Variants in SCFD2 observed in about 807,000 individuals in gnomAD.
SCFD2 encodes the protein sec1 family domain-containing protein 2.
Under a neutral mutation model 58.9 loss-of-function variants are expected in SCFD2, and 54 were observed. That is an observed-to-expected ratio of 0.92 (90% CI 0.74 to 1.15). SCFD2 has a LOEUF of 1.15. Among genes scored for constraint, SCFD2 ranks in the 50% most tolerant of loss-of-function variants. The probability of loss-of-function intolerance (pLI) is 0.00; values close to 1 mark genes in which losing one functional copy is unlikely to be tolerated. For synonymous variants in SCFD2, 321 were observed against 335.9 expected, an observed-to-expected ratio of 0.96 and a Z score of 0.49; for missense variants, 805 against 836.6, an observed-to-expected ratio of 0.96 and a Z score of 0.47.
intron 8 of SCFD2, among the ~76,000 whole-genome samples, chr4:52,879,273 C>CA (rs1718550425): frequency 6.6e-6 from 1 of 152,184 alleles, no homozygotes; most frequent in South Asian, 2.1e-4. Context: ...ATACCTTCCA[C>CA]AAAAACAGCC....
chr4:53,071,020 G>A (rs1006167798), intron 5 of SCFD2, among the ~76,000 whole-genome samples: 44 of 152,066 alleles, frequency 2.9e-4, no homozygotes, highest in African/African-American at 1.1e-3. Flanking sequence ...AAGCATAAGT[G>A]TCATATTCAA....
intron 2 of SCFD2, among the ~76,000 whole-genome samples, chr4:53,348,489 ATAAAT>A: frequency 6.6e-6 from 1 of 152,234 alleles, no homozygotes; most frequent in African/African-American, 2.4e-5. Flanking sequence ...TCTTTTGCAG[ATAAAT>A]TAATCAACAT....
chr4:53,010,809 A>T (rs1722077258), intron 5 of SCFD2, among the ~76,000 whole-genome samples: 1 of 152,144 alleles, frequency 6.6e-6, no homozygotes, highest in Non-Finnish European at 1.5e-5. Flanking sequence ...TCTCCAACAT[A>T]TGTCTTTACA....
intron 5 of SCFD2, among the ~76,000 whole-genome samples, chr4:53,100,442 A>G (rs1285276095): frequency 6.6e-6 from 1 of 152,208 alleles, no homozygotes; most frequent in Non-Finnish European, 1.5e-5. Context: ...TGCATATGTG[A>G]ATGAATGGAT....
chr4:53,040,024 G>T (rs575787360), intron 5 of SCFD2, among the ~76,000 whole-genome samples: 1 of 152,148 alleles, frequency 6.6e-6, no homozygotes, highest in Non-Finnish European at 1.5e-5. Flanking sequence ...TTCCCAACAC[G>T]GCTGTTAGAG....
intron 5 of SCFD2, among the ~76,000 whole-genome samples, chr4:52,945,193 G>A (rs1166204663): frequency 6.6e-6 from 1 of 152,118 alleles, no homozygotes; most frequent in Non-Finnish European, 1.5e-5. Context: ...GGTTACATAT[G>A]GAAAGGGGTG....
chr4:53,120,620 T>G (rs565675174), intron 5 of SCFD2, among the ~76,000 whole-genome samples: 1 of 152,308 alleles, frequency 6.6e-6, no homozygotes, highest in African/African-American at 2.4e-5. Flanking sequence ...AGGTCCCTGT[T>G]TCACAGTCCA....
intron 5 of SCFD2, among the ~76,000 whole-genome samples, chr4:53,104,185 G>A (rs532071687): frequency 1.3e-4 from 20 of 152,182 alleles, no homozygotes; most frequent in African/African-American, 4.8e-4. Context: ...AAGAGTAATT[G>A]TACAGTAGAG....
chr4:53,154,405 A>G (rs1726602750), intron 4 of SCFD2, among the ~76,000 whole-genome samples: 1 of 152,188 alleles, frequency 6.6e-6, no homozygotes. Flanking sequence ...TTAAACAACC[A>G]GATCTCACAT....
intron 5 of SCFD2, among the ~76,000 whole-genome samples, chr4:52,993,297 C>T (rs948544678): frequency 2.0e-5 from 3 of 151,820 alleles, no homozygotes; most frequent in Admixed American, 6.6e-5. Context: ...ACCAGAGACC[C>T]TTGTTCACTT....
At chr4:53,129,090 T>C (rs944400692) in intron 5 of SCFD2, among the ~76,000 whole-genome samples, 20 of 152,256 alleles carry the variant, frequency 1.3e-4, no homozygotes, top group Non-Finnish European at 2.5e-4. Flanking sequence ...CTAAAGCATT[T>C]TGCATGTTGG....
intron 5 of SCFD2, among the ~76,000 whole-genome samples, chr4:53,134,216 A>G (rs188295271): frequency 6.6e-6 from 1 of 152,262 alleles, no homozygotes; most frequent in East Asian, 1.9e-4. Context: ...ATGGGCATAA[A>G]GTTTCAGGTA....
intron 5 of SCFD2, among the ~76,000 whole-genome samples, chr4:52,923,477 C>CAAATAAAT (rs57571099): frequency 0.19 from 25,768 of 134,092 alleles, 2,670 homozygotes; most frequent in East Asian, 0.37. Flanking sequence ...GACTGCATCT[C>CAAATAAAT]AAATAAATAA....
intron 5 of SCFD2, among the ~76,000 whole-genome samples, chr4:53,081,450 C>A (rs1724143397): frequency 6.6e-6 from 1 of 152,072 alleles, no homozygotes; most frequent in Admixed American, 6.6e-5. Flanking sequence ...ATATTTATGT[C>A]CATGTGTGCT....
chr4:53,358,409 G>C (rs572595457), intron 1 of SCFD2, among the ~76,000 whole-genome samples: 1 of 151,978 alleles, frequency 6.6e-6, no homozygotes, highest in Non-Finnish European at 1.5e-5. Context: ...TTAGCTGGGC[G>C]TGGTGGTGGC....
chr4:52,930,305 T>C (rs1183488499), intron 5 of SCFD2, among the ~76,000 whole-genome samples: 1 of 152,162 alleles, frequency 6.6e-6, no homozygotes, highest in East Asian at 1.9e-4. Flanking sequence ...TGGCTAGCCA[T>C]ATGCAGAAAA....
intron 5 of SCFD2, among the ~76,000 whole-genome samples, chr4:53,132,525 G>A (rs191358532): frequency 2.0e-5 from 3 of 152,326 alleles, no homozygotes; most frequent in African/African-American, 7.2e-5. Context: ...GATGTATTCT[G>A]TAATGGAAAA....
chr4:53,057,567 G>A (rs928959859), intron 5 of SCFD2, among the ~76,000 whole-genome samples: 1 of 152,050 alleles, frequency 6.6e-6, no homozygotes, highest in African/African-American at 2.4e-5. Context: ...GGGGGGTGAG[G>A]GGAGGGAACT....
chr4:52,934,736 G>C lies in SCFD2; in HGVS notation c.1562-13866C>G, dbSNP rs372943089. On this transcript the variant is annotated intron_variant, in intron 5 of 8. Coordinates refer to ENST00000401642, the MANE Select transcript of SCFD2 (RefSeq NM_152540.4). ...AAAAAAGGTTGGAGAAATGCACAAG[G>C]ATATAAGTTCCAAGGAAGTTCATGG... Among the ~76,000 whole-genome samples, 3 of 152,158 alleles carry C rather than the reference G, an allele frequency of 2.0e-5. No individual in the cohort carries two copies. In the East Asian group the frequency reaches 5.8e-4, roughly 29 times the overall value.
Sources: allele counts gnomAD v4.1 joint callset (sites outside exome capture counted in the v4.1 genomes callset), GRCh38; gene constraint gnomAD v4.1.1; transcripts MANE v1.5; gene names NCBI Gene and HGNC (gene_info 2026-07-23, HGNC 2026-07-21).